The following CSMD1 variants were observed in gnomAD, a reference collection of about 807,000 sequenced individuals.
The protein encoded by CSMD1 is CUB and sushi domain-containing protein 1.
In CSMD1, 213 loss-of-function variants were observed where a neutral mutation model predicts 417.5. The observed-to-expected ratio is 0.51, with a 90% CI of 0.46 to 0.57. CSMD1 has a LOEUF of 0.57. Ranked by LOEUF, CSMD1 falls within the 20% of genes least tolerant of loss-of-function variation. The pLI, the probability that CSMD1 is intolerant of heterozygous loss-of-function variation, is 0.00. For missense variants in CSMD1, 6,923 were observed against 4,529.7 expected, an observed-to-expected ratio of 1.53 and a Z score of -15.17; for synonymous variants, 2,862 against 1,736.8, an observed-to-expected ratio of 1.65 and a Z score of -16.11.
Position 3,409,519 on chromosome 8 carries a change from T to C in CSMD1, c.1648A>G (p.Thr550Ala). ...TCAAAGGCCGCCGGGCATTCAAAGGTGAGTGTATCTCCATGGAGGAAACTG... is the reference window on the plus strand; with the variant it reads ...TCAAAGGCCGCCGGGCATTCAAAGGCGAGTGTATCTCCATGGAGGAAACTG... ...GSSFLHGDTL[T>A]FECPAAFELV... Residue 550 changes from threonine to alanine, a missense_variant, in exon 13 of 70, where the codon ACC becomes GCC. Coordinates refer to ENST00000635120, the MANE Select transcript of CSMD1 (RefSeq NM_033225.6). The C allele has an allele frequency of 6.2e-7, 1 of 1,611,208 alleles. No homozygotes were observed. Among genetic ancestry groups the C allele is most frequent in the Non-Finnish European group, 8.5e-7 (1 of 1,178,790 alleles).
intron 1 of CSMD1, among the ~76,000 whole-genome samples, chr8:4,891,527 T>C (rs1446480552): frequency 2.0e-5 from 3 of 152,034 alleles, no homozygotes; most frequent in Non-Finnish European, 4.4e-5. Flanking sequence ...ATACTAAAAA[T>C]ATTTTTATAG....
chr8:4,779,646 G>A (rs1409908596), intron 1 of CSMD1, among the ~76,000 whole-genome samples: 3 of 152,284 alleles, frequency 2.0e-5, no homozygotes, highest in Admixed American at 6.5e-5. Flanking sequence ...TGGCAAGCTG[G>A]CTTTAGCATT....
chr8:4,951,713 A>T (rs1185176536), intron 1 of CSMD1, among the ~76,000 whole-genome samples: 1 of 151,816 alleles, frequency 6.6e-6, no homozygotes, highest in African/African-American at 2.4e-5. Context: ...CTACCAGAAG[A>T]ATCTCCCTAT....
In CSMD1 at chr8:4,257,563, A is replaced by T. The variant is rs1335930856; in HGVS notation, c.415+162390T>A. Among the ~76,000 whole-genome samples the T allele has an allele frequency of 3.9e-5, 6 of 152,356 alleles. No individual in the cohort carries two copies. The East Asian group carries it at 1.2e-3, about 29-fold the overall frequency. On this transcript the variant is annotated intron_variant, in intron 3 of 69. Transcript: ENST00000635120. ...CTTTCAATTACATTTTTAAAATAAG[A>T]AATAGAGATTTATAAAATTCTCTCC... is the stretch of plus-strand genomic sequence containing the variant.
intron 3 of CSMD1, among the ~76,000 whole-genome samples, chr8:4,313,834 T>A (rs1420238702): frequency 6.6e-6 from 1 of 151,818 alleles, no homozygotes; most frequent in Non-Finnish European, 1.5e-5. Context: ...ACCAATATGG[T>A]GAAACCTCAT....
At chr8:3,269,726 T>G (rs1801699473) in intron 26 of CSMD1, among the ~76,000 whole-genome samples, 1 of 152,182 alleles carries the variant, frequency 6.6e-6, no homozygotes, top group Admixed American at 6.5e-5. Context: ...TTCGTGAGTT[T>G]TATGCATGAT....
At chr8:3,114,123 G>A (rs1156248869) in intron 42 of CSMD1, among the ~76,000 whole-genome samples, 2 of 152,024 alleles carry the variant, frequency 1.3e-5, no homozygotes, top group African/African-American at 4.8e-5. Flanking sequence ...ACATGCCTGT[G>A]GTCCTAGCCA....
intron 40 of CSMD1, among the ~76,000 whole-genome samples, chr8:3,146,346 G>A (rs1217091286): frequency 6.6e-6 from 1 of 151,808 alleles, no homozygotes; most frequent in Non-Finnish European, 1.5e-5. Flanking sequence ...GAAAGAAAAT[G>A]GCACACAACT....
intron 46 of CSMD1, among the ~76,000 whole-genome samples, chr8:3,101,453 C>T (rs549752141): frequency 1.3e-5 from 2 of 152,278 alleles, no homozygotes; most frequent in African/African-American, 4.8e-5. Context: ...GACGGAGTCT[C>T]GCTCTGACGC....
rs552579714 is a variant in CSMD1, at chr8:3,511,366, A to G, written c.1345-17640T>C. ...GCACGTTCTGCACATGTATCCCAGA[A>G]CTTAAAGTATTAAAAAAAAAAATTC... On this transcript the variant is annotated intron_variant, in intron 10 of 69. Transcript: ENST00000635120. Among the ~76,000 whole-genome samples the G allele has an allele frequency of 4.5e-4, 61 of 134,550 alleles. 2 individuals carry two copies. The highest frequency in any genetic ancestry group is 1.5e-3 in the African/African-American group (52 of 33,992). 88.3% of individuals were successfully genotyped at this position (134,550 alleles called of 152,430 possible).
chr8:3,536,730 T>A (rs1174388825), intron 10 of CSMD1, among the ~76,000 whole-genome samples: 1 of 152,080 alleles, frequency 6.6e-6, no homozygotes, highest in Non-Finnish European at 1.5e-5. Flanking sequence ...GTCTTGCAGG[T>A]GGCAGGAGCC....
At chr8:3,543,982 A>G (rs1798550021) in intron 10 of CSMD1, among the ~76,000 whole-genome samples, 1 of 152,172 alleles carries the variant, frequency 6.6e-6, no homozygotes, top group Non-Finnish European at 1.5e-5. Flanking sequence ...AAAGAGTCAG[A>G]TAGGAAGGGG....
intron 3 of CSMD1, among the ~76,000 whole-genome samples, chr8:4,256,809 T>A (rs578250772): frequency 2.0e-5 from 3 of 152,264 alleles, no homozygotes; most frequent in African/African-American, 7.2e-5. Flanking sequence ...GGGCCTGGCA[T>A]AAAGTCGAGT....
chr8:4,185,893 C>T (rs1026633942), intron 3 of CSMD1, among the ~76,000 whole-genome samples: 1 of 152,188 alleles, frequency 6.6e-6, no homozygotes, highest in Admixed American at 6.5e-5. Flanking sequence ...CACGGCTTTC[C>T]TGTTTGTAAA....
intron 7 of CSMD1, among the ~76,000 whole-genome samples, chr8:3,643,098 G>T (rs994278213): frequency 2.0e-5 from 3 of 152,046 alleles, no homozygotes; most frequent in Non-Finnish European, 4.4e-5. Flanking sequence ...CAGGCATGCA[G>T]CTTGTCAGGA....
intron 9 of CSMD1, among the ~76,000 whole-genome samples, chr8:3,576,172 C>A (rs1014055219): frequency 1.3e-5 from 2 of 152,002 alleles, no homozygotes; most frequent in Non-Finnish European, 2.9e-5. Context: ...TGTGACTTAA[C>A]AAGGGCTACT....
chr8:4,739,796 C>G (rs1370723825), intron 1 of CSMD1, among the ~76,000 whole-genome samples: 1 of 152,134 alleles, frequency 6.6e-6, no homozygotes, highest in East Asian at 1.9e-4. Flanking sequence ...CTTTTTCTTA[C>G]CTGCTGCAAC....
intron 7 of CSMD1, among the ~76,000 whole-genome samples, chr8:3,622,989 T>C (rs1029741197): frequency 6.6e-6 from 1 of 152,168 alleles, no homozygotes; most frequent in Non-Finnish European, 1.5e-5. Flanking sequence ...ATAGAACACA[T>C]GACATAGATA....
rs922281210 is a variant in CSMD1 at position 3,031,977 on chromosome 8, T to C, written c.7661-2464A>G. Among the ~76,000 whole-genome samples, 3 of 149,024 alleles carry C rather than the reference T, an allele frequency of 2.0e-5. No individual in the cohort carries two copies. In the East Asian group the frequency reaches 5.8e-4, roughly 29 times the overall value. On this transcript the variant is annotated intron_variant, in intron 50 of 69. Coordinates refer to ENST00000635120, the MANE Select transcript of CSMD1 (RefSeq NM_033225.6). ...CACTATATGTGTGTATGTGTGTGTA[T>C]ATATATATATATACACATAATATAA... is the stretch of plus-strand genomic sequence containing the variant.
Sources: gnomAD v4.1 joint callset for allele counts (sites outside exome capture counted in the v4.1 genomes callset) on GRCh38, gnomAD v4.1.1 for gene constraint, MANE v1.5 for transcripts, NCBI Gene and HGNC (gene_info 2026-07-23, HGNC 2026-07-21) for gene names.